The following AMZ1 variants were observed in gnomAD, a reference collection of about 807,000 sequenced individuals.
AMZ1 encodes archaelysin family metallopeptidase 1, also known as archaemetzincin-1.
Under a neutral mutation model 29.9 loss-of-function variants are expected in AMZ1, and 39 were observed. That is an observed-to-expected ratio of 1.30 (90% CI 1.01 to 1.70). AMZ1 has a LOEUF of 1.70. Ranked by LOEUF, AMZ1 falls within the 40% of genes most tolerant of loss-of-function variation. AMZ1 has a pLI of 0.00. For synonymous variants in AMZ1, 458 were observed against 304.0 expected (o/e 1.51, Z -5.27); for missense variants, 1,041 against 680.6 (o/e 1.53, Z -5.89).
intron 4 of AMZ1, among the ~76,000 whole-genome samples, chr7:2,756,261 ACT>A (rs1398502766): frequency 1.3e-5 from 2 of 152,116 alleles, no homozygotes; most frequent in African/African-American, 2.4e-5. Context: ...CTTAAAAAAA[ACT>A]CTCATTTGGA....
intron 5 of AMZ1, 120 bp from the exon 6 acceptor site, chr7:2,709,520 C>G: frequency 7.0e-7 from 1 of 1,434,686 alleles, no homozygotes; most frequent in Non-Finnish European, 9.3e-7. Flanking sequence ...GCGCCTGGAC[C>G]ACCTCCCGGC....
At chr7:2,724,490 A>G (rs1789545856), downstream of AMZ1, among the ~76,000 whole-genome samples, 1 of 152,238 alleles carries the variant, frequency 6.6e-6, no homozygotes, top group Admixed American at 6.5e-5. Flanking sequence ...GGACCAGGCA[A>G]GAGACGGGAA....
At chr7:2,681,086 C>T (rs911993950) in intron 1 of AMZ1, among the ~76,000 whole-genome samples, 2 of 152,358 alleles carry the variant, frequency 1.3e-5, no homozygotes, top group Admixed American at 6.5e-5. Flanking sequence ...TCCCATCCAT[C>T]TTAGAACTAC....
At chr7:2,744,597 T>C (rs2115340518) in intron 4 of AMZ1, among the ~76,000 whole-genome samples, 1 of 152,134 alleles carries the variant, frequency 6.6e-6, no homozygotes, top group South Asian at 2.1e-4. Flanking sequence ...CTGGAAACTC[T>C]AAAAATCAGA....
At chr7:2,710,437 C>A (rs145680940) in intron 6 of AMZ1, among the ~76,000 whole-genome samples, 1 of 152,228 alleles carries the variant, frequency 6.6e-6, no homozygotes. Context: ...GTGCTCACTG[C>A]GTACAGGCAC....
rs112804248 is a variant in AMZ1 at position 2,737,508 on chromosome 7, C to T, written n.551-27204C>T. ...TTCACCAGGTTAACCAGGCTGGTCT[C>T]GAACTCCTGACCTCAGGTAATCCAC... On this transcript the variant is annotated intron_variant and non_coding_transcript_variant, in intron 4 of 4. Coordinates refer to the AMZ1 transcript ENST00000489665. Among the ~76,000 whole-genome samples the T allele has an allele frequency of 6.6e-3, 1,006 of 152,082 alleles. 13 individuals are homozygous for T. Among genetic ancestry groups the T allele is most frequent in the African/African-American group, 0.023 (944 of 41,474 alleles).
chr7:2,754,582 TAAAA>T (rs34822125), intron 4 of AMZ1, among the ~76,000 whole-genome samples: 2 of 143,584 alleles, frequency 1.4e-5, no homozygotes, highest in East Asian at 4.1e-4. Context: ...ATCTCTACTT[TAAAA>T]AAAAAAAAAA....
At chr7:2,762,728 T>C (rs762683341), upstream of AMZ1, 127 of 1,558,648 alleles carry the variant, frequency 8.1e-5, 1 homozygote, top group South Asian at 1.5e-3. Flanking sequence ...GCAGGCCCCA[T>C]GTCCTCCCTC....
intron 4 of AMZ1, chr7:2,728,056 C>A (rs1583197603): frequency 6.6e-6 from 1 of 151,092 alleles, no homozygotes; most frequent in South Asian, 2.1e-4. Flanking sequence ...TGCTGTGAAT[C>A]CTGGGGAATG....
At chr7:2,761,343 G>A (rs1461193346), upstream of AMZ1, among the ~76,000 whole-genome samples, 3 of 152,218 alleles carry the variant, frequency 2.0e-5, no homozygotes, top group Admixed American at 6.5e-5. Context: ...CTAGAGGCAC[G>A]GGGTGGGCAC....
At chr7:2,704,258 T>A (rs1458990544) in intron 3 of AMZ1, among the ~76,000 whole-genome samples, 1 of 152,174 alleles carries the variant, frequency 6.6e-6, no homozygotes, top group Non-Finnish European at 1.5e-5. Context: ...ATCCCAGTAC[T>A]TTGAGAGGCT....
At chr7:2,685,419 G>A (rs1044645623), upstream of AMZ1, among the ~76,000 whole-genome samples, 1 of 151,746 alleles carries the variant, frequency 6.6e-6, no homozygotes, top group African/African-American at 2.4e-5. Context: ...TTAGCCGGGC[G>A]AGGTGACGGG....
chr7:2,721,767 C>T (rs1789432216), downstream of AMZ1, among the ~76,000 whole-genome samples: 1 of 151,442 alleles, frequency 6.6e-6, no homozygotes, highest in Non-Finnish European at 1.5e-5. Context: ...AGGGGCCCCC[C>T]ACTTCTCAGC....
chr7:2,685,295 CG>C (rs112525827), upstream of AMZ1, among the ~76,000 whole-genome samples: 2,923 of 151,692 alleles, frequency 0.019, 88 homozygotes, highest in African/African-American at 0.067. Context: ...CGGTGGCTCA[CG>C]CCTGTAATCC....
At chr7:2,692,815 C>T (rs556021186) in intron 1 of AMZ1, among the ~76,000 whole-genome samples, 3 of 152,316 alleles carry the variant, frequency 2.0e-5, no homozygotes, top group South Asian at 2.1e-4. Flanking sequence ...AACAGCCTCC[C>T]GGCTCCTGCG....
chr7:2,730,823 G>C (rs922157240), intron 4 of AMZ1: 3 of 196,440 alleles, frequency 1.5e-5, no homozygotes, highest in African/African-American at 2.3e-5. Flanking sequence ...TAAAGACAGA[G>C]CGTGTGTACA....
intron 4 of AMZ1, among the ~76,000 whole-genome samples, chr7:2,741,715 G>A (rs138538825): frequency 2.6e-5 from 4 of 152,008 alleles, no homozygotes; most frequent in South Asian, 2.1e-4. Context: ...TTAAAAATCC[G>A]TCATCATTTG....
upstream of AMZ1, chr7:2,763,104 C>A: frequency 8.0e-7 from 1 of 1,248,378 alleles, no homozygotes; most frequent in Non-Finnish European, 1.0e-6. Flanking sequence ...CACAAGCAGC[C>A]TCTGAAGTCA....
In AMZ1 at chr7:2,715,147, C is replaced by T. The variant is rs1789045184; in HGVS notation, c.*2269C>T. 6.6e-6 allele frequency: 1 copy of T among 152,236 alleles called. No homozygotes were observed. The highest frequency in any genetic ancestry group is 1.5e-5 in the Non-Finnish European group (1 of 68,026). The allele number at this position is 152,236 out of a possible 1,614,324, so 9.4% of individuals were successfully genotyped here. A position where few individuals can be genotyped will look rare whatever the true frequency, so the allele number is the denominator to read the frequency against. On this transcript the variant is annotated 3_prime_UTR_variant, in exon 7 of 7. Transcript: ENST00000683327. ...GAGGGTCAGATGGAAGCTCTGTGGC[C>T]TTTCCTAACTCGGCCTCACGTCACA...
Sources: gnomAD v4.1 joint callset for allele counts (sites outside exome capture counted in the v4.1 genomes callset) on GRCh38, gnomAD v4.1.1 for gene constraint, MANE v1.5 for transcripts, NCBI Gene and HGNC (gene_info 2026-07-23, HGNC 2026-07-21) for gene names.